Variants in CMSS1 observed in about 807,000 individuals in gnomAD.
The protein encoded by CMSS1 is protein CMSS1.
In CMSS1, 33 loss-of-function variants were observed where a neutral mutation model predicts 43.5. The ratio of observed to expected loss-of-function variants is 0.76; its 90% CI spans 0.57 to 1.01. The LOEUF is 1.01. Among genes scored for constraint, CMSS1 ranks in the 50% least tolerant of loss-of-function variants. The pLI, the probability that CMSS1 is intolerant of heterozygous loss-of-function variation, is 0.00. For missense variants in CMSS1, 313 were observed against 326.4 expected (o/e 0.96, Z 0.32); for synonymous variants, 115 against 117.2 (o/e 0.98, Z 0.12).
At chr3:99,849,841 C>T (rs751830028) in intron 1 of CMSS1, 1 of 1,610,786 alleles carries the variant, frequency 6.2e-7, no homozygotes, top group South Asian at 1.1e-5. Context: ...TGTGGATTTC[C>T]CAGAGTCTTG....
chr3:99,869,025 G>A (rs781763328), intron 1 of CMSS1, among the ~76,000 whole-genome samples: 13 of 152,172 alleles, frequency 8.5e-5, no homozygotes, highest in Non-Finnish European at 1.9e-4. Context: ...TGATAGAGAG[G>A]TAAAAAGAAC....
chr3:99,959,461 A>T (rs1708431082), intron 1 of CMSS1, among the ~76,000 whole-genome samples: 1 of 152,050 alleles, frequency 6.6e-6, no homozygotes, highest in Non-Finnish European at 1.5e-5. Context: ...TTTTCCTCAA[A>T]CTTTAAATAT....
At chr3:99,848,382 C>G in intron 1 of CMSS1, 1 of 1,614,046 alleles carries the variant, frequency 6.2e-7, no homozygotes, top group Non-Finnish European at 8.5e-7. Context: ...TGTTTAGTGC[C>G]CCGTTAATTA....
At chr3:99,972,592 GGTT>G (rs1403486846) in intron 1 of CMSS1, among the ~76,000 whole-genome samples, 3 of 152,120 alleles carry the variant, frequency 2.0e-5, no homozygotes, top group African/African-American at 7.2e-5. Context: ...AGTAAATAAC[GGTT>G]CATGTTTCCA....
chr3:99,851,043 G>A (rs1175009377), intron 1 of CMSS1: 1 of 1,594,484 alleles, frequency 6.3e-7, no homozygotes, highest in East Asian at 2.2e-5. Context: ...CCTGAGACTT[G>A]ATTTCTTGAT....
At chr3:99,931,120 G>T in intron 1 of CMSS1, 2 of 1,092,904 alleles carry the variant, frequency 1.8e-6, no homozygotes, top group South Asian at 1.5e-5. Context: ...CTACATTCTT[G>T]TTATATTTAC....
chr3:100,021,434 T>G (rs2064815181), intron 1 of CMSS1, among the ~76,000 whole-genome samples: 1 of 152,202 alleles, frequency 6.6e-6, no homozygotes, highest in Non-Finnish European at 1.5e-5. Context: ...CAAGACACTT[T>G]GGGAGAGGAG....
intron 1 of CMSS1, among the ~76,000 whole-genome samples, chr3:99,985,916 G>A (rs1050832353): frequency 6.0e-5 from 9 of 150,640 alleles, no homozygotes; most frequent in Non-Finnish European, 1.2e-4. Context: ...AGTTCTGTTG[G>A]ATATATTCAT....
At chr3:100,051,400 C>T (rs1482716311) in intron 1 of CMSS1, 1 of 151,624 alleles carries the variant, frequency 6.6e-6, no homozygotes, top group Non-Finnish European at 1.5e-5. Context: ...TACATGTGCA[C>T]AATGTGCAGG....
chr3:100,002,494 C>G (rs577040254), intron 1 of CMSS1, among the ~76,000 whole-genome samples: 1 of 152,302 alleles, frequency 6.6e-6, no homozygotes, highest in Admixed American at 6.5e-5. Flanking sequence ...AAGATTTGCA[C>G]ACAGGTACAC....
chr3:100,139,561 G>A lies in CMSS1; in HGVS notation c.65-7412G>A, dbSNP rs3928219. On this transcript the variant is annotated intron_variant, in intron 1 of 9. Transcript: ENST00000421999. ...TGTGTGTGTGTGTGTGTGTGTGTGTGTGTGTATGTATATATATGTGTATAT... is the reference window on the plus strand; with the variant it reads ...TGTGTGTGTGTGTGTGTGTGTGTGTATGTGTATGTATATATATGTGTATAT... Among the ~76,000 whole-genome samples, 28 of 145,512 alleles carry A rather than the reference G, an allele frequency of 1.9e-4. No homozygotes were observed. The East Asian group carries it at 5.5e-3, about 29-fold the overall frequency.
intron 1 of CMSS1, among the ~76,000 whole-genome samples, chr3:100,031,140 A>AT (rs1166182283): frequency 6.6e-6 from 1 of 152,092 alleles, no homozygotes; most frequent in East Asian, 1.9e-4. Flanking sequence ...AGACATCAGC[A>AT]TTTTTAGACT....
chr3:100,015,243 T>C (rs959350997), intron 1 of CMSS1, among the ~76,000 whole-genome samples: 10 of 152,134 alleles, frequency 6.6e-5, no homozygotes, highest in African/African-American at 2.2e-4. Context: ...TTATGTTCCC[T>C]TGGATTATAT....
At chr3:100,022,453 A>G (rs931100481) in intron 1 of CMSS1, among the ~76,000 whole-genome samples, 1 of 152,218 alleles carries the variant, frequency 6.6e-6, no homozygotes, top group Non-Finnish European at 1.5e-5. Context: ...CCTGCAGTTC[A>G]ACAATTGCAC....
At chr3:100,013,807 A>G (rs1390204954) in intron 1 of CMSS1, among the ~76,000 whole-genome samples, 1 of 152,204 alleles carries the variant, frequency 6.6e-6, no homozygotes, top group African/African-American at 2.4e-5. Flanking sequence ...ATCATCTCAC[A>G]TATTTTGTGG....
At chr3:99,899,668 T>C (rs767122257) in intron 1 of CMSS1, among the ~76,000 whole-genome samples, 205 of 152,358 alleles carry the variant, frequency 1.3e-3, no homozygotes, top group Non-Finnish European at 2.5e-3. Context: ...ATTGTTATGA[T>C]AGATGCTTTG....
intron 1 of CMSS1, among the ~76,000 whole-genome samples, chr3:100,133,520 A>G (rs1408094757): frequency 2.0e-5 from 3 of 152,100 alleles, no homozygotes; most frequent in Non-Finnish European, 1.5e-5. Flanking sequence ...TACTATTTTT[A>G]TATGAAGGAA....
At chr3:100,091,668 T>G (rs1020739892) in intron 1 of CMSS1, among the ~76,000 whole-genome samples, 5 of 152,232 alleles carry the variant, frequency 3.3e-5, no homozygotes, top group Admixed American at 2.6e-4. Flanking sequence ...CACTTGAGTA[T>G]CCCAAATTCC....
At chr3:99,827,602 A>AT (rs1942559291) in intron 1 of CMSS1, among the ~76,000 whole-genome samples, 1 of 151,718 alleles carries the variant, frequency 6.6e-6, no homozygotes, top group African/African-American at 2.4e-5. Context: ...TTCTACGCAA[A>AT]TTTTTTCTTT....
Sources: allele counts gnomAD v4.1 joint callset (sites outside exome capture counted in the v4.1 genomes callset), GRCh38; gene constraint gnomAD v4.1.1; transcripts MANE v1.5; gene names NCBI Gene and HGNC (gene_info 2026-07-23, HGNC 2026-07-21).